The following MYT1 variants were observed in gnomAD, a reference collection of about 807,000 sequenced individuals.
MYT1 encodes the protein myelin transcription factor 1.
MYT1 carries 23 observed loss-of-function variants against 123.0 expected under a neutral mutation model. That is an observed-to-expected ratio of 0.19 (90% CI 0.13 to 0.26). MYT1 has a LOEUF of 0.26. Among genes scored for constraint, MYT1 ranks in the 10% least tolerant of loss-of-function variants. MYT1 has a pLI of 1.00. For synonymous variants in MYT1, 518 were observed against 575.3 expected (o/e 0.90, Z 1.43); for missense variants, 1,125 against 1,472.5 (o/e 0.76, Z 3.86).
In MYT1 at chr20:64,185,421, G is replaced by T. The variant is rs1163792166; in HGVS notation, c.-98-4642G>T. Among the ~76,000 whole-genome samples, 1 of 152,054 alleles carries T rather than the reference G, an allele frequency of 6.6e-6. No homozygotes were observed. Among genetic ancestry groups the T allele is most frequent in the Non-Finnish European group, 1.5e-5 (1 of 67,968 alleles). On this transcript the variant is annotated intron_variant, in intron 1 of 22. Transcript: ENST00000328439. This position sits in a 1 kb window ranked among gnomAD's most constrained non-coding sequence, Gnocchi z 4.5. ...GAGGGGCAGGTGGTAACAGCTCCTG[G>T]CCCCAAAGGCAGCCCTAGTTACCAG... is the stretch of plus-strand genomic sequence containing the variant.
intron 1 of MYT1, among the ~76,000 whole-genome samples, chr20:64,169,221 G>C (rs193016766): frequency 7.9e-5 from 12 of 152,168 alleles, no homozygotes; most frequent in African/African-American, 2.9e-4. Context: ...GTGCACCAAG[G>C]CCTGCTTTAG....
In MYT1 at chr20:64,232,101, A is replaced by G; in HGVS notation, c.2676-63A>G. 6.5e-7 allele frequency: 1 copy of G among 1,538,330 alleles called. No individual in the cohort carries two copies. On this transcript the variant is annotated intron_variant, in intron 18 of 22. Coordinates refer to ENST00000328439, the MANE Select transcript of MYT1 (RefSeq NM_004535.3). The surrounding 1 kb of genome is among the most constrained non-coding windows in gnomAD (Gnocchi z 6.9). ...GCTCCCCTTGTGTCTGGCTTGAGAG[A>G]GTCTCCAGGCTTCTCCTCCCAACCC...
chr20:64,237,450 TG>T (rs1371160204), intron 21 of MYT1, 60 bp downstream of exon 21: 1 of 1,348,780 alleles, frequency 7.4e-7, no homozygotes, highest in Non-Finnish European at 1.0e-6. Flanking sequence ...ACATTCGTCT[TG>T]GGGACAGTGA....
intron 2 of MYT1, among the ~76,000 whole-genome samples, chr20:64,194,266 T>G (rs1245132223): frequency 1.3e-5 from 2 of 152,078 alleles, no homozygotes; most frequent in Non-Finnish European, 2.9e-5. Context: ...AGAGGCAGGG[T>G]GCTGGCCACC....
At position 64,227,963 on chromosome 20, in the gene MYT1, G is replaced by A. The variant is rs1456467780; in HGVS notation, c.2667G>A (p.Glu889=). Residue 889 remains glutamate, a synonymous_variant, in exon 18 of 23, where the codon GAG becomes GAA. Transcript: ENST00000328439. ...APTKDDKEDP[E]LMKCPVPGCV... ...CCAAGGACGACAAGGAGGACCCCGAGCTGATGAAGTACGTTGGGCCATGCT... is the reference window on the plus strand; with the variant it reads ...CCAAGGACGACAAGGAGGACCCCGAACTGATGAAGTACGTTGGGCCATGCT... The A allele has an allele frequency of 1.2e-5, 20 of 1,613,968 alleles. No individual in the cohort carries two copies. In the South Asian group the frequency reaches 2.2e-4, roughly 18 times the overall value.
chr20:64,220,865 G>A (rs1459484840), intron 13 of MYT1, among the ~76,000 whole-genome samples: 1 of 109,098 alleles, frequency 9.2e-6, no homozygotes, highest in Non-Finnish European at 1.9e-5. Context: ...CCTATGAAGG[G>A]TGGGGGCTGG....
intron 21 of MYT1, 105 bp downstream of exon 21, chr20:64,237,495 G>A: frequency 1.2e-6 from 1 of 866,960 alleles, no homozygotes; most frequent in Non-Finnish European, 1.8e-6. Flanking sequence ...GTTGCTGTCA[G>A]GGCTGAGCTG....
At chr20:64,236,380 A>ATGGCGGTGGTGGGTGACCCTGGGC (rs1984544679) in intron 19 of MYT1, among the ~76,000 whole-genome samples, 175 bp from the exon 20 acceptor site, 2 of 80,206 alleles carry the variant, frequency 2.5e-5, no homozygotes, top group Admixed American at 1.2e-4. Context: ...TGACCCTGGG[A>ATGGCGGTGGTGGGTGACCCTGGGC]TGGCCGTGGT....
intron 10 of MYT1, 62 bp from the exon 11 acceptor site, chr20:64,217,005 A>G: frequency 6.6e-7 from 1 of 1,511,138 alleles, no homozygotes; most frequent in Non-Finnish European, 9.1e-7. Context: ...GGGGTTGGGG[A>G]GGGTGGCACG....
At chr20:64,200,140 C>T (rs1983251569) in intron 4 of MYT1, among the ~76,000 whole-genome samples, 1 of 152,240 alleles carries the variant, frequency 6.6e-6, no homozygotes, top group Admixed American at 6.5e-5. Flanking sequence ...TCATGTGGCG[C>T]ACCAGCATCA....
At chr20:64,221,781 G>A (rs1984011277) in intron 13 of MYT1, 112 bp from the exon 14 acceptor site, 3 of 1,101,008 alleles carry the variant, frequency 2.7e-6, no homozygotes, top group South Asian at 3.1e-5. Context: ...GAGACTCCGG[G>A]AGATGCTTCT....
chr20:64,191,932 G>A lies in MYT1; in HGVS notation c.-1+1772G>A, dbSNP rs764848339. 2 of 152,194 alleles carry A rather than the reference G, an allele frequency of 1.3e-5. No individual in the cohort carries two copies. Among genetic ancestry groups the A allele is most frequent in the Non-Finnish European group, 2.9e-5 (2 of 68,038 alleles). The allele number at this position is 152,194 out of a possible 1,614,324, so 9.4% of individuals were successfully genotyped here. Reference sequence around the variant, plus strand: ...CCCCTCACCCTACCCCAGATCCTGAGGATTCACATAGCGCTGTACTGGCAT... The same window carrying A: ...CCCCTCACCCTACCCCAGATCCTGAAGATTCACATAGCGCTGTACTGGCAT... On this transcript the variant is annotated intron_variant, in intron 2 of 22. Coordinates refer to ENST00000328439, the MANE Select transcript of MYT1 (RefSeq NM_004535.3). This position sits in a 1 kb window ranked among gnomAD's most constrained non-coding sequence, Gnocchi z 4.1.
rs1251892729 is a variant in MYT1 at position 64,193,700 on chromosome 20, G to T, written c.-1+3540G>T. ...TTCACTGGCCCCTTCCTTCTGGGAA[G>T]TGGCTGCCTATGGTCCGCTGGGACT... On this transcript the variant is annotated intron_variant, in intron 2 of 22. Transcript: ENST00000328439. The surrounding 1 kb of genome is among the most constrained non-coding windows in gnomAD (Gnocchi z 4.0). Among the ~76,000 whole-genome samples the T allele has an allele frequency of 2.6e-5, 4 of 152,050 alleles. No individual in the cohort carries two copies. Among genetic ancestry groups the T allele is most frequent in the Non-Finnish European group, 4.4e-5 (3 of 68,006 alleles).
chr20:64,218,799 A>T lies in MYT1; in HGVS notation c.1847-112A>T. On this transcript the variant is annotated intron_variant, in intron 11 of 22. Transcript: ENST00000328439. This position sits in a 1 kb window ranked among gnomAD's most constrained non-coding sequence, Gnocchi z 4.0. Reference sequence around the variant, plus strand: ...GCATTGCTGCCTCTTTTCAAGTTGTATATCAGCCTGGTGTTGTTCCCTTTT... The same window carrying T: ...GCATTGCTGCCTCTTTTCAAGTTGTTTATCAGCCTGGTGTTGTTCCCTTTT... The T allele has an allele frequency of 7.2e-7, 1 of 1,382,576 alleles. No homozygotes were observed. The highest frequency in any genetic ancestry group is 1.0e-6 in the Non-Finnish European group (1 of 996,988). 85.6% of individuals were successfully genotyped at this position (1,382,576 alleles called of 1,614,324 possible). A position where few individuals can be genotyped will look rare whatever the true frequency, so the allele number is the denominator to read the frequency against.
chr20:64,205,477 G>T (rs1983460901), intron 5 of MYT1, 76 bp from the exon 6 acceptor site: 1 of 1,566,036 alleles, frequency 6.4e-7, no homozygotes, highest in Non-Finnish European at 8.6e-7. Flanking sequence ...AGGACCCTCG[G>T]GAGGGGCTCA....
At chr20:64,234,523 T>C (rs1377796173) in intron 19 of MYT1, among the ~76,000 whole-genome samples, 2 of 152,226 alleles carry the variant, frequency 1.3e-5, no homozygotes, top group East Asian at 3.9e-4. Context: ...AGTTTGGCCA[T>C]AGGGAGGCCC....
chr20:64,210,031 G>A (rs2145718287), intron 7 of MYT1, among the ~76,000 whole-genome samples: 1 of 152,170 alleles, frequency 6.6e-6, no homozygotes, highest in African/African-American at 2.4e-5. Context: ...GGCCCGGGGT[G>A]GTTACTAGCC....
At chr20:64,222,140 G>T in intron 14 of MYT1, 93 bp downstream of exon 14, 1 of 1,453,976 alleles carries the variant, frequency 6.9e-7, no homozygotes, top group Non-Finnish European at 9.4e-7. Flanking sequence ...GACCGGGTCT[G>T]CTCAGGCTTT....
At chr20:64,201,982 CCG>C (rs1983329022) in intron 4 of MYT1, among the ~76,000 whole-genome samples, 1 of 79,710 alleles carries the variant, frequency 1.3e-5, no homozygotes, top group Non-Finnish European at 2.8e-5. Context: ...TCGGGAACCC[CCG>C]CGTGTCGGGA....
Sources: allele counts gnomAD v4.1 joint callset (sites outside exome capture counted in the v4.1 genomes callset), GRCh38; gene constraint gnomAD v4.1.1; non-coding constraint Gnocchi (gnomAD v3.1); transcripts MANE v1.5; gene names NCBI Gene and HGNC (gene_info 2026-07-23, HGNC 2026-07-21).